Variants in SENP7 observed in about 807,000 individuals in gnomAD.
The protein encoded by SENP7 is SUMO specific peptidase 7.
SENP7 carries 64 observed loss-of-function variants against 141.2 expected under a neutral mutation model. The ratio of observed to expected loss-of-function variants is 0.45; its 90% CI spans 0.37 to 0.56. The LOEUF (loss-of-function observed/expected upper bound fraction) is 0.56. Among genes scored for constraint, SENP7 ranks in the 20% least tolerant of loss-of-function variants. SENP7 has a pLI of 0.00. For synonymous variants in SENP7, 382 were observed against 426.4 expected (o/e 0.90, Z 1.28); for missense variants, 1,025 against 1,212.2 (o/e 0.85, Z 2.29).
intron 3 of SENP7, among the ~76,000 whole-genome samples, chr3:101,474,616 T>C (rs1243638526): frequency 6.6e-6 from 1 of 152,150 alleles, no homozygotes; most frequent in African/African-American, 2.4e-5. Context: ...AGGATCATGC[T>C]GTCTGCAAAT....
intron 5 of SENP7, among the ~76,000 whole-genome samples, chr3:101,400,994 A>G (rs951433413): frequency 2.3e-4 from 35 of 152,126 alleles, no homozygotes; most frequent in African/African-American, 8.2e-4. Flanking sequence ...GCTACTTGGG[A>G]AGCTGAGAGA....
intron 4 of SENP7, among the ~76,000 whole-genome samples, chr3:101,424,825 G>A (rs1277151132): frequency 3.3e-5 from 5 of 152,176 alleles, no homozygotes; most frequent in East Asian, 1.9e-4. Context: ...GCCACACTGC[G>A]TGATACAGTT....
At chr3:101,444,291 G>C (rs1426005092) in intron 4 of SENP7, among the ~76,000 whole-genome samples, 1 of 150,564 alleles carries the variant, frequency 6.6e-6, no homozygotes, top group Admixed American at 6.7e-5. Flanking sequence ...GACACTGCTG[G>C]TGGGATTGTA....
At chr3:101,417,227 C>T in intron 5 of SENP7, among the ~76,000 whole-genome samples, 1 of 151,980 alleles carries the variant, frequency 6.6e-6, no homozygotes, top group Non-Finnish European at 1.5e-5. Flanking sequence ...AATATTAATG[C>T]ACATATATAC....
intron 4 of SENP7, among the ~76,000 whole-genome samples, chr3:101,450,502 T>C (rs1356523718): frequency 6.6e-6 from 1 of 152,152 alleles, no homozygotes; most frequent in South Asian, 2.1e-4. Context: ...ACAGAAATTA[T>C]AACAAACTGT....
chr3:101,485,133 A>AC (rs2064672995), intron 3 of SENP7, among the ~76,000 whole-genome samples: 1 of 151,924 alleles, frequency 6.6e-6, no homozygotes, highest in East Asian at 1.9e-4. Context: ...GAGCTCAGAC[A>AC]CGCCTAGCCC....
chr3:101,486,559 G>GA (rs1272794843), intron 3 of SENP7, among the ~76,000 whole-genome samples: 1 of 152,166 alleles, frequency 6.6e-6, no homozygotes, highest in Non-Finnish European at 1.5e-5. Flanking sequence ...CAAACGCTGA[G>GA]AAAATTTGCC....
chr3:101,375,542 CCAAAAAAAAAAAA>C (rs1284484152), intron 6 of SENP7, among the ~76,000 whole-genome samples: 9 of 25,512 alleles, frequency 3.5e-4, no homozygotes, highest in Middle Eastern at 0.056. Flanking sequence ...AATTCCATCT[CCAAAAAAAAAAAA>C]AAAAAAAAAA....
chr3:101,490,468 G>C (rs1009725242), intron 3 of SENP7, among the ~76,000 whole-genome samples: 2 of 152,244 alleles, frequency 1.3e-5, no homozygotes, highest in South Asian at 2.1e-4. Flanking sequence ...CAGAATCATG[G>C]TGGAGGTACA....
intron 6 of SENP7, among the ~76,000 whole-genome samples, chr3:101,375,986 T>C (rs988133122): frequency 6.6e-6 from 1 of 152,194 alleles, no homozygotes; most frequent in African/African-American, 2.4e-5. Context: ...GGGGAATTAT[T>C]ATTTAATGGT....
intron 4 of SENP7, among the ~76,000 whole-genome samples, chr3:101,422,303 T>C (rs568490959): frequency 6.6e-6 from 1 of 152,274 alleles, no homozygotes; most frequent in East Asian, 1.9e-4. Context: ...AACCAGTCCC[T>C]GGTGCCAAAA....
intron 3 of SENP7, among the ~76,000 whole-genome samples, chr3:101,489,497 C>G (rs935705135): frequency 8.6e-6 from 1 of 116,250 alleles, no homozygotes; most frequent in Non-Finnish European, 1.9e-5. Context: ...TAAAAAAGAG[C>G]AGGAGCCACT....
chr3:101,346,543 T>G (rs1262758372), intron 13 of SENP7, among the ~76,000 whole-genome samples: 2 of 152,094 alleles, frequency 1.3e-5, no homozygotes, highest in Non-Finnish European at 2.9e-5. Context: ...AAAGAAACTG[T>G]GGTACATATA....
At chr3:101,371,018 G>A (rs146171025) in intron 7 of SENP7, among the ~76,000 whole-genome samples, 8 of 152,246 alleles carry the variant, frequency 5.3e-5, no homozygotes, top group African/African-American at 9.6e-5. Flanking sequence ...GGCCAAGCGC[G>A]GTGGCTCTTG....
chr3:101,329,533 C>T (rs1347495710), intron 20 of SENP7, among the ~76,000 whole-genome samples: 1 of 151,890 alleles, frequency 6.6e-6, no homozygotes, highest in Non-Finnish European at 1.5e-5. Context: ...AACACTGAAT[C>T]TAGGCTATGC....
At chr3:101,344,912 C>T (rs1225434394) in intron 13 of SENP7, among the ~76,000 whole-genome samples, 2 of 132,932 alleles carry the variant, frequency 1.5e-5, no homozygotes, top group Admixed American at 1.8e-4. Context: ...GAGGCCAAGG[C>T]AGGAGGATAG....
At chr3:101,435,692 C>A (rs369145692) in intron 4 of SENP7, among the ~76,000 whole-genome samples, 1 of 151,956 alleles carries the variant, frequency 6.6e-6, no homozygotes, top group East Asian at 1.9e-4. Context: ...ATAATAGCCA[C>A]ATATAAAATT....
intron 7 of SENP7, among the ~76,000 whole-genome samples, chr3:101,368,596 G>C (rs1274304554): frequency 1.7e-4 from 21 of 125,172 alleles, no homozygotes; most frequent in African/African-American, 6.1e-4. Context: ...GTGGGGGGAG[G>C]GGGGAGGGAT....
At chr3:101,463,016 C>G (rs2063600489) in intron 3 of SENP7, among the ~76,000 whole-genome samples, 1 of 152,076 alleles carries the variant, frequency 6.6e-6, no homozygotes, top group Non-Finnish European at 1.5e-5. Flanking sequence ...ATACTGACAA[C>G]AGACTCATAT....
Sources: allele counts gnomAD v4.1 joint callset (sites outside exome capture counted in the v4.1 genomes callset), GRCh38; gene constraint gnomAD v4.1.1; transcripts MANE v1.5; gene names NCBI Gene and HGNC (gene_info 2026-07-23, HGNC 2026-07-21).